The following EGLN2 variants were observed in gnomAD, a reference collection of about 807,000 sequenced individuals.
EGLN2 encodes the protein prolyl hydroxylase EGLN2.
Under a neutral mutation model 38.2 loss-of-function variants are expected in EGLN2, and 15 were observed. That is an observed-to-expected ratio of 0.39 (90% confidence interval 0.26 to 0.60). The LOEUF (loss-of-function observed/expected upper bound fraction) is 0.60, where lower values mean the gene tolerates loss of function less well. EGLN2 is among the 20% of genes least tolerant of loss of function. The pLI is 0.50. For synonymous variants in EGLN2, 284 were observed against 237.4 expected, an observed-to-expected ratio of 1.20 and a Z score of -1.81; for missense variants, 492 against 570.4, an observed-to-expected ratio of 0.86 and a Z score of 1.40.
rs1170223183 is a variant in EGLN2, at chr19:40,800,409, G to A, written c.-164G>A. 1 of 1,109,584 alleles carries A rather than the reference G, an allele frequency of 9.0e-7. No homozygotes were observed. The highest frequency in any genetic ancestry group is 1.2e-6 in the Non-Finnish European group (1 of 805,758). 68.7% of individuals were successfully genotyped at this position (1,109,584 alleles called of 1,614,324 possible). ...CTTGGGGACCAGCAAGCAACCCCCA[G>A]GGCACGAGAAGAGCTCTTGCTGTCT... On this transcript the variant is annotated 5_prime_UTR_variant, in exon 2 of 6. Coordinates refer to ENST00000303961, the MANE Select transcript of EGLN2 (RefSeq NM_080732.4).
At chr19:40,806,226 C>T in intron 2 of EGLN2, 1 of 317,202 alleles carries the variant, frequency 3.2e-6, no homozygotes, top group South Asian at 3.7e-5. Context: ...TGGTATTATT[C>T]TACTGAAATG....
rs761746320 is a variant in EGLN2 at position 40,808,072 on chromosome 19, C to CA, written c.*209dup. 2.0e-5 allele frequency: 12 copies of CA among 611,636 alleles called. No individual in the cohort carries two copies. The South Asian group carries it at 2.4e-4, about 12-fold the overall frequency. 37.9% of individuals were successfully genotyped at this position (611,636 alleles called of 1,614,324 possible). On this transcript the variant is annotated 3_prime_UTR_variant, in exon 6 of 6. Transcript: ENST00000303961. ...ATGGGGGCTGGGGTTGTCACCTGGA[C>CA]AGGGGGCAGCCGTGGAGGCCACCGT...
chr19:40,805,446 G>C (rs1306118292), intron 2 of EGLN2: 1 of 152,192 alleles, frequency 6.6e-6, no homozygotes, highest in Admixed American at 6.5e-5. Flanking sequence ...TTGTTATCTT[G>C]TTCACTTGTT....
At chr19:40,807,031 G>A (rs1032683020) in intron 3 of EGLN2, 107 bp from the exon 4 acceptor site, 1 of 1,529,074 alleles carries the variant, frequency 6.5e-7, no homozygotes, top group Non-Finnish European at 8.8e-7. Flanking sequence ...GGGGTGGGAG[G>A]GAGTGATGCA....
intron 2 of EGLN2, chr19:40,803,384 T>G (rs1210208228): frequency 6.6e-6 from 1 of 151,994 alleles, no homozygotes; most frequent in Non-Finnish European, 1.5e-5. Flanking sequence ...CTAGGTGACC[T>G]TGATTGTCCT....
chr19:40,807,669 G>A, intron 5 of EGLN2, 118 bp downstream of exon 5: 1 of 1,423,474 alleles, frequency 7.0e-7, no homozygotes, highest in Non-Finnish European at 9.8e-7. Context: ...CTTCATCTCT[G>A]CCCACCTTCC....
chr19:40,801,025 C>G lies in EGLN2; in HGVS notation c.453C>G (p.Ser151Arg). The G allele has an allele frequency of 6.2e-7, 1 of 1,613,088 alleles. No homozygotes were observed. The highest frequency in any genetic ancestry group is 1.3e-5 in the African/African-American group (1 of 75,070). The change falls in exon 2 of 6, where the codon AGC becomes AGG. Residue 151 changes from serine to arginine, a missense_variant. Ser to Arg is a moderately radical substitution (Grantham distance 110). This residue lies in a region of EGLN2 where 378 missense variants were observed against 386.2 expected (regional missense o/e 0.98). Transcript: ENST00000303961. ...AGGCAGAGCGGGAGGGTGGCATGAGCTGCAGCTGCAGCAGTGGCAGTGGTG... is the reference window on the plus strand; with the variant it reads ...AGGCAGAGCGGGAGGGTGGCATGAGGTGCAGCTGCAGCAGTGGCAGTGGTG... ...NQEAEREGGM[S>R]CSCSSGSGEA... is the part of the protein sequence containing the mutation.
chr19:40,802,481 C>T (rs892928229), intron 2 of EGLN2, among the ~76,000 whole-genome samples: 7 of 152,190 alleles, frequency 4.6e-5, no homozygotes, highest in Non-Finnish European at 1.0e-4. Flanking sequence ...GTCCCTTTTT[C>T]TTTTTGCTTT....
chr19:40,801,929 C>G (rs1006895417), intron 2 of EGLN2, among the ~76,000 whole-genome samples: 2 of 152,020 alleles, frequency 1.3e-5, no homozygotes, highest in African/African-American at 4.8e-5. Context: ...CAGGAACCCT[C>G]TTAAACTCAT....
Position 40,801,064 on chromosome 19 carries a change from G to A in EGLN2, c.492G>A (p.Gly164=), listed in dbSNP as rs376569262. 2 of 1,612,762 alleles carry A rather than the reference G, an allele frequency of 1.2e-6. No individual in the cohort carries two copies. Among genetic ancestry groups the A allele is most frequent in the Non-Finnish European group, 1.7e-6 (2 of 1,179,864 alleles). Residue 164 remains glycine, a synonymous_variant, in exon 2 of 6, where the codon GGG becomes GGA. Transcript: ENST00000303961. The part of the protein sequence containing the change: ...CSSGSGEASA[G]LMEEALPSAP... ...GTGGCAGTGGTGAGGCCAGTGCTGG[G>A]CTGATGGAGGAGGCGCTGCCCTCTG...
At chr19:40,801,787 T>C (rs1479971132) in intron 2 of EGLN2, among the ~76,000 whole-genome samples, 1 of 151,546 alleles carries the variant, frequency 6.6e-6, no homozygotes, top group Non-Finnish European at 1.5e-5. Context: ...CAGAGGTCTC[T>C]GGTTTTCCTA....
Position 40,801,010 on chromosome 19 carries a change from G to T in EGLN2, c.438G>T (p.Arg146=). Residue 146 remains arginine (R), a synonymous_variant, in exon 2 of 6, where the codon CGG becomes CGT. Transcript: ENST00000303961. The stretch of plus-strand genomic sequence containing the variant: ...GGCAAGAGAACCAGGAGGCAGAGCG[G>T]GAGGGTGGCATGAGCTGCAGCTGCA... ...WARQENQEAE[R]EGGMSCSCSS... The T allele has an allele frequency of 6.2e-7, 1 of 1,613,144 alleles. No homozygotes were observed. The highest frequency in any genetic ancestry group is 8.5e-7 in the Non-Finnish European group (1 of 1,179,802).
In EGLN2 at chr19:40,800,443, T is replaced by G. The variant is rs1472707081; in HGVS notation, c.-130T>G. The stretch of plus-strand genomic sequence containing the variant: ...AAGAGCTCTTGCTGTCTGCCCTGCC[T>G]CACCCTGCCCCACGCCAGGCCCGGT... On this transcript the variant is annotated 5_prime_UTR_variant, in exon 2 of 6. Transcript: ENST00000303961. The G allele has an allele frequency of 8.0e-6, 11 of 1,376,686 alleles. No individual in the cohort carries two copies. Among genetic ancestry groups the G allele is most frequent in the Non-Finnish European group, 1.1e-5 (11 of 1,044,730 alleles). 85.3% of individuals were successfully genotyped at this position (1,376,686 alleles called of 1,614,324 possible). A position where few individuals can be genotyped will look rare whatever the true frequency, so the allele number is the denominator to read the frequency against.
rs2083257282 is a variant in EGLN2 at position 40,801,407 on chromosome 19, C to T, written c.835C>T (p.Arg279Cys). 1.2e-6 allele frequency: 2 copies of T among 1,603,940 alleles called. No individual in the cohort carries two copies. The highest frequency in any genetic ancestry group is 1.7e-6 in the Non-Finnish European group (2 of 1,178,092). The stretch of plus-strand genomic sequence containing the variant: ...GCTGGGCAGCTATGTCATCAACGGG[C>T]GCACCAAGGTAAGGCTAGGTGGGGG... ...GRLGSYVING[R>C]TKAMVACYPG... The change falls in exon 2 of 6, where the codon CGC (arginine) becomes TGC (cysteine). Residue 279 changes from arginine to cysteine, a missense_variant. This residue lies in a region of EGLN2 where 114 missense variants were observed against 184.2 expected (regional missense o/e 0.62). Transcript: ENST00000303961.
At position 40,801,313 on chromosome 19, in the gene EGLN2, A is replaced by G. The variant is rs1341250056; in HGVS notation, c.741A>G (p.Glu247=). 3 of 1,612,972 alleles carry G rather than the reference A, an allele frequency of 1.9e-6. No homozygotes were observed. The Admixed American group carries it at 5.0e-5, about 27-fold the overall frequency. ...AGATTGCCTGGGTGGAAGGCCATGA[A>G]CCAGGCTGTCGAAGCATTGGTGCCC... ...GDQIAWVEGH[E]PGCRSIGALM... Residue 247 remains glutamate, a synonymous_variant, in exon 2 of 6, where the codon GAA becomes GAG. Coordinates refer to ENST00000303961, the MANE Select transcript of EGLN2 (RefSeq NM_080732.4).
rs778364309 is a variant in EGLN2 at position 40,800,714 on chromosome 19, T to A, written c.142T>A (p.Tyr48Asn). The change falls in exon 2 of 6, where the codon TAC becomes AAC. Residue 48 changes from tyrosine to asparagine, a missense_variant. Tyr to Asn is a moderately radical substitution (Grantham distance 143). Transcript: ENST00000303961. ...CCTGCCCTGTCCCCTGCTCCCCTCCTACCACTGTCCAGGAGTGCCTAGTGA... is the reference window on the plus strand; with the variant it reads ...CCTGCCCTGTCCCCTGCTCCCCTCCAACCACTGTCCAGGAGTGCCTAGTGA... ...SYLPCPLLPSYHCPGVPSEAS... is the reference protein window; with the variant it reads ...SYLPCPLLPSNHCPGVPSEAS... 11 of 1,614,004 alleles carry A rather than the reference T, an allele frequency of 6.8e-6. No homozygotes were observed. In the South Asian group the frequency reaches 1.2e-4, roughly 18 times the overall value.
chr19:40,807,417 G>A lies in EGLN2; in HGVS notation c.1101-67G>A, dbSNP rs886221338. 8.7e-6 allele frequency: 14 copies of A among 1,605,784 alleles called. No homozygotes were observed. In the Admixed American group the frequency reaches 1.0e-4, roughly 11 times the overall value. ...AACCGGGTGGCTCAAAAGGATGGCC[G>A]CCTAGTGTGTGTGGATATGGTAGCT... is the stretch of plus-strand genomic sequence containing the variant. On this transcript the variant is annotated intron_variant, in intron 4 of 5. Coordinates refer to ENST00000303961, the MANE Select transcript of EGLN2 (RefSeq NM_080732.4).
rs746585443 is a variant in EGLN2 at position 40,801,236 on chromosome 19, G to A, written c.664G>A (p.Gly222Arg). ...CAAACGGGGTGGGCGCCTGCGAGAC[G>A]GGCAGCTAGTGAGCCAGAGGGCGAT... ...ALKRGGRLRD[G>R]QLVSQRAIPP... Residue 222 changes from glycine (G) to arginine (R), a missense_variant, in exon 2 of 6, where the codon GGG becomes AGG. By Grantham distance (125) the Gly-to-Arg change is moderately radical (BLOSUM62 -2). Coordinates refer to ENST00000303961, the MANE Select transcript of EGLN2 (RefSeq NM_080732.4). 2 of 1,612,682 alleles carry A rather than the reference G, an allele frequency of 1.2e-6. No individual in the cohort carries two copies. The highest frequency in any genetic ancestry group is 2.2e-5 in the East Asian group (1 of 44,880).
In EGLN2 at chr19:40,806,468, G is replaced by T. The variant is rs989015985; in HGVS notation, c.844-87G>T. 4.4e-6 allele frequency: 7 copies of T among 1,583,422 alleles called. No homozygotes were observed. In the African/African-American group the frequency reaches 9.4e-5, roughly 21 times the overall value. ...AGTCATGGGGAAGATGGGGCAAGGA[G>T]GGGTGGGAAAATAGGTAATTCATGG... On this transcript the variant is annotated intron_variant, in intron 2 of 5. Transcript: ENST00000303961.
Sources: gnomAD v4.1 joint callset for allele counts (sites outside exome capture counted in the v4.1 genomes callset) on GRCh38, gnomAD v4.1.1 for gene constraint, gnomAD v4.1.1 regional missense constraint, MANE v1.5 for transcripts, NCBI Gene and HGNC (gene_info 2026-07-23, HGNC 2026-07-21) for gene names.